The following ARNT2 variants were observed in gnomAD, a reference collection of about 807,000 sequenced individuals.
ARNT2 encodes aryl hydrocarbon receptor nuclear translocator 2, also known as ARNT protein 2.
Under a neutral mutation model 91.7 loss-of-function variants are expected in ARNT2, and 36 were observed. The ratio of observed to expected loss-of-function variants is 0.39; its 90% CI spans 0.30 to 0.52. The LOEUF (loss-of-function observed/expected upper bound fraction) is 0.52. Among genes scored for constraint, ARNT2 ranks in the 20% least tolerant of loss-of-function variants. The pLI, the probability that ARNT2 is intolerant of heterozygous loss-of-function variation, is 0.72. For synonymous variants in ARNT2, 365 were observed against 347.1 expected (o/e 1.05, Z -0.57); for missense variants, 775 against 939.3 (o/e 0.83, Z 2.29).
chr15:80,566,078 TAGC>T (rs1175213366), intron 12 of ARNT2, among the ~76,000 whole-genome samples: 2 of 152,234 alleles, frequency 1.3e-5, no homozygotes, highest in Non-Finnish European at 2.9e-5. Context: ...TCTACTGTGA[TAGC>T]AGGCAGAGTC....
intron 5 of ARNT2, among the ~76,000 whole-genome samples, chr15:80,495,195 G>A (rs1897109831): frequency 6.6e-6 from 1 of 152,182 alleles, no homozygotes; most frequent in African/African-American, 2.4e-5. Flanking sequence ...AGAGGGCCCA[G>A]AGGGGGATGG....
At chr15:80,426,077 A>G (rs1296467223) in intron 1 of ARNT2, among the ~76,000 whole-genome samples, 1 of 152,176 alleles carries the variant, frequency 6.6e-6, no homozygotes, top group Non-Finnish European at 1.5e-5. Flanking sequence ...AAGAAAAGAA[A>G]AGAAAAGAAA....
intron 8 of ARNT2, among the ~76,000 whole-genome samples, chr15:80,546,973 A>AT (rs1898000645): frequency 1.3e-5 from 2 of 151,654 alleles, no homozygotes. Flanking sequence ...AAAAAAAAAA[A>AT]CCAAACAAAA....
intron 1 of ARNT2, among the ~76,000 whole-genome samples, chr15:80,448,242 A>G (rs1896334238): frequency 6.6e-6 from 1 of 152,354 alleles, no homozygotes; most frequent in African/African-American, 2.4e-5. Context: ...AACCAGATAT[A>G]TCTGACTGCA....
intron 8 of ARNT2, among the ~76,000 whole-genome samples, chr15:80,534,264 C>T (rs1174003876): frequency 6.6e-6 from 1 of 152,118 alleles, no homozygotes; most frequent in Non-Finnish European, 1.5e-5. Context: ...GAGAAAATTT[C>T]CCAGCTCTGC....
At chr15:80,447,969 T>C (rs1339931289) in intron 1 of ARNT2, among the ~76,000 whole-genome samples, 2 of 152,310 alleles carry the variant, frequency 1.3e-5, no homozygotes, top group East Asian at 1.9e-4. Context: ...ACAGAAACAG[T>C]GTCTGTCTTA....
At chr15:80,510,743 T>A (rs914763607) in intron 6 of ARNT2, among the ~76,000 whole-genome samples, 1 of 152,008 alleles carries the variant, frequency 6.6e-6, no homozygotes, top group Non-Finnish European at 1.5e-5. Context: ...GCAGGAGAAT[T>A]GCTTGAACCT....
At chr15:80,574,922 C>A in intron 13 of ARNT2, 65 bp from the exon 14 acceptor site, 1 of 1,558,488 alleles carries the variant, frequency 6.4e-7, no homozygotes, top group Non-Finnish European at 8.7e-7. Context: ...CTGGTGGCTC[C>A]TGGGGACGCA....
chr15:80,425,849 A>T (rs1282391612), intron 1 of ARNT2, among the ~76,000 whole-genome samples: 1 of 152,138 alleles, frequency 6.6e-6, no homozygotes, highest in Non-Finnish European at 1.5e-5. Flanking sequence ...GGTGCTCGAG[A>T]CCAGCCTGGG....
At chr15:80,555,453 G>A (rs1898164554) in intron 11 of ARNT2, 1 of 316,508 alleles carries the variant, frequency 3.2e-6, no homozygotes, top group African/African-American at 2.0e-5. Context: ...AACTGGGATG[G>A]GTCTTAAAGG....
At chr15:80,407,757 T>G (rs1237248140) in intron 1 of ARNT2, among the ~76,000 whole-genome samples, 1 of 152,104 alleles carries the variant, frequency 6.6e-6, no homozygotes, top group Non-Finnish European at 1.5e-5. Flanking sequence ...TGAATGACAT[T>G]TAAGTGTTTC....
intron 1 of ARNT2, chr15:80,442,805 T>C (rs1263358897): frequency 1.0e-6 from 1 of 975,616 alleles, no homozygotes; most frequent in Admixed American, 6.2e-5. Context: ...ATATTTTTCT[T>C]CTGTCTCTAA....
chr15:80,581,211 C>T (rs760084302), intron 16 of ARNT2, 28 bp from the exon 17 acceptor site: 1 of 1,611,344 alleles, frequency 6.2e-7, no homozygotes, highest in South Asian at 1.1e-5. Context: ...GTGATGCTTT[C>T]CATCTCTTTG....
intron 1 of ARNT2, among the ~76,000 whole-genome samples, chr15:80,449,919 C>T (rs1371050173): frequency 1.3e-5 from 2 of 152,158 alleles, no homozygotes; most frequent in Admixed American, 6.5e-5. Context: ...CCCTTCTTCC[C>T]CTGGGTAAAA....
rs1898154317 is a variant in ARNT2, at chr15:80,555,054, CTT to C, written c.1090-8_1090-7del. On this transcript the variant is annotated splice_polypyrimidine_tract_variant and intron_variant, in intron 10 of 18. Transcript: ENST00000303329. ...GATCTGGGATTATTAAAGCTTGTCTCTTTTATTTAGGATCTTCTGGGAAAGGA... is the reference window on the plus strand; with the variant it reads ...GATCTGGGATTATTAAAGCTTGTCTCTTATTTAGGATCTTCTGGGAAAGGA... The C allele has an allele frequency of 6.2e-7, 1 of 1,613,162 alleles. No homozygotes were observed. The highest frequency in any genetic ancestry group is 1.3e-5 in the African/African-American group (1 of 75,014).
rs200571984 is a variant in ARNT2 at position 80,576,362 on chromosome 15, C to T, written c.1514-504C>T. Among the ~76,000 whole-genome samples, 151 of 152,230 alleles carry T rather than the reference C, an allele frequency of 9.9e-4. 3 individuals carry two copies. The East Asian group carries it at 0.02, about 21-fold the overall frequency. ...CGTGATCTCAGCTCACTGCAGCCTC[C>T]GCCTCCTGGGCTCAAGCGATTCTCC... On this transcript the variant is annotated intron_variant, in intron 14 of 18. Coordinates refer to ENST00000303329, the MANE Select transcript of ARNT2 (RefSeq NM_014862.4).
At chr15:80,510,195 G>T (rs56171997) in intron 6 of ARNT2, among the ~76,000 whole-genome samples, 1 of 152,084 alleles carries the variant, frequency 6.6e-6, no homozygotes, top group African/African-American at 2.4e-5. Flanking sequence ...GAAGTCAAAG[G>T]TTCCGCTAAA....
intron 1 of ARNT2, among the ~76,000 whole-genome samples, chr15:80,409,327 A>C (rs889394452): frequency 6.6e-6 from 1 of 152,340 alleles, no homozygotes; most frequent in Non-Finnish European, 1.5e-5. Context: ...GGATTCATGC[A>C]TTACGTAGCC....
chr15:80,408,825 G>A (rs1895641434), intron 1 of ARNT2, among the ~76,000 whole-genome samples: 1 of 152,182 alleles, frequency 6.6e-6, no homozygotes, highest in Admixed American at 6.5e-5. Flanking sequence ...AAAGGAAGAA[G>A]TGATACCTGA....
Sources: gnomAD v4.1 joint callset for allele counts (sites outside exome capture counted in the v4.1 genomes callset) on GRCh38, gnomAD v4.1.1 for gene constraint, MANE v1.5 for transcripts, NCBI Gene and HGNC (gene_info 2026-07-23, HGNC 2026-07-21) for gene names.